Variants in RTCA observed in about 807,000 individuals in gnomAD.
The protein encoded by RTCA is RNA 3'-terminal phosphate cyclase.
A neutral mutation model predicts 46.1 loss-of-function variants in RTCA; 37 were observed. That is an observed-to-expected ratio of 0.80 (90% CI 0.62 to 1.06). RTCA has a LOEUF of 1.06. Among genes scored for constraint, RTCA ranks in the 50% least tolerant of loss-of-function variants. RTCA has a pLI of 0.00. For missense variants in RTCA, 435 were observed against 455.5 expected (o/e 0.95, Z 0.41); for synonymous variants, 164 against 158.3 (o/e 1.04, Z -0.27).
intron 2 of RTCA, chr1:100,266,832 G>GA (rs996046446): frequency 2.0e-5 from 11 of 557,976 alleles, no homozygotes; most frequent in Non-Finnish European, 2.9e-5. Flanking sequence ...AAATGGTCTC[G>GA]AGTTTTCTCT....
Position 100,270,603 on chromosome 1 carries a change from G to T in RTCA, c.337G>T (p.Ala113Ser), listed in dbSNP as rs777938019. The change falls in exon 4 of 11, where the codon GCT becomes TCT. Residue 113 changes from alanine (A) to serine (S), a missense_variant. Coordinates refer to ENST00000370128, the MANE Select transcript of RTCA (RefSeq NM_003729.4). ...MQVSMPCVLF[A>S]ASPSELHLKG... is the part of the protein sequence containing the mutation. Reference sequence around the variant, plus strand: ...GGTCTCAATGCCGTGTGTTCTCTTTGCTGCTTCTCCATCAGAACTTCATTT... The same window carrying T: ...GGTCTCAATGCCGTGTGTTCTCTTTTCTGCTTCTCCATCAGAACTTCATTT... 2 of 1,614,122 alleles carry T rather than the reference G, an allele frequency of 1.2e-6. No individual in the cohort carries two copies. The highest frequency in any genetic ancestry group is 2.2e-5 in the South Asian group (2 of 91,084).
intron 8 of RTCA, among the ~76,000 whole-genome samples, chr1:100,282,227 C>T (rs925197650): frequency 1.3e-5 from 2 of 152,104 alleles, no homozygotes; most frequent in Non-Finnish European, 2.9e-5. Context: ...TAATGTAGAA[C>T]CATTCATGCC....
chr1:100,288,670 T>G (rs1667163457), intron 10 of RTCA, among the ~76,000 whole-genome samples: 1 of 152,080 alleles, frequency 6.6e-6, no homozygotes, highest in South Asian at 2.1e-4. Flanking sequence ...GGATTACAGG[T>G]GTAAGCCAGC....
At chr1:100,279,611 A>C (rs2086367584) in intron 8 of RTCA, among the ~76,000 whole-genome samples, 1 of 151,104 alleles carries the variant, frequency 6.6e-6, no homozygotes, top group South Asian at 2.1e-4. Flanking sequence ...TCCATCTCTT[A>C]AAATTTTTTT....
chr1:100,275,568 T>G (rs751903133), intron 6 of RTCA, 31 bp from the exon 7 acceptor site: 5 of 1,550,558 alleles, frequency 3.2e-6, no homozygotes, highest in Non-Finnish European at 4.4e-6. Flanking sequence ...CAGTAATTGT[T>G]TTATTCTATT....
Position 100,277,303 on chromosome 1 carries a change from G to A in RTCA, c.786G>A (p.Ser262=), listed in dbSNP as rs370576495. 513 of 1,611,158 alleles carry A rather than the reference G, an allele frequency of 3.2e-4. No homozygotes were observed. The highest frequency in any genetic ancestry group is 4.2e-4 in the Non-Finnish European group (499 of 1,179,010). ...CTGGCTGTTTGTTTGCTGGATCATC[G>A]CTTGGTAAACGAGGTAAGATAAATG... is the stretch of plus-strand genomic sequence containing the variant. ...TSTGCLFAGS[S]LGKRGVNADK... is the part of the protein sequence containing the mutation. The change falls in exon 8 of 11, where the codon TCG becomes TCA. Residue 262 remains serine (S), a synonymous_variant. Transcript: ENST00000370128.
At chr1:100,284,763 G>A (rs1215475419) in intron 8 of RTCA, among the ~76,000 whole-genome samples, 3 of 152,148 alleles carry the variant, frequency 2.0e-5, no homozygotes, top group African/African-American at 7.2e-5. Flanking sequence ...GGATTTGGGA[G>A]GGGAATTTGT....
chr1:100,287,034 C>A, intron 9 of RTCA, 65 bp from the exon 10 acceptor site: 2 of 1,062,804 alleles, frequency 1.9e-6, no homozygotes, highest in South Asian at 1.7e-5. Context: ...TTATGGGCAG[C>A]AGTGGAATTA....
chr1:100,267,400 T>A, intron 2 of RTCA: 1 of 1,241,994 alleles, frequency 8.1e-7, no homozygotes, highest in East Asian at 2.9e-5. Flanking sequence ...GGGAATCCAA[T>A]TCATTAGGCT....
At chr1:100,281,901 A>G (rs1015195094) in intron 8 of RTCA, among the ~76,000 whole-genome samples, 1 of 151,982 alleles carries the variant, frequency 6.6e-6, no homozygotes, top group Non-Finnish European at 1.5e-5. Flanking sequence ...TTTTTGGTAG[A>G]GACGGGGTTT....
chr1:100,269,479 G>A (rs750070289), intron 3 of RTCA, among the ~76,000 whole-genome samples: 8 of 150,358 alleles, frequency 5.3e-5, no homozygotes, highest in Admixed American at 2.7e-4. Flanking sequence ...GACTACAGGC[G>A]TGCACCACAA....
chr1:100,266,797 T>G (rs767471524), intron 2 of RTCA, 173 bp downstream of exon 2: 2 of 596,240 alleles, frequency 3.4e-6, no homozygotes, highest in Non-Finnish European at 6.0e-6. Context: ...TGTAAAGTCT[T>G]GAAAGCCTGG....
chr1:100,279,336 G>C (rs1180440938), intron 8 of RTCA, among the ~76,000 whole-genome samples: 1 of 152,184 alleles, frequency 6.6e-6, no homozygotes, highest in Non-Finnish European at 1.5e-5. Context: ...TAGGAATACA[G>C]GGGAAGCAAA....
intron 3 of RTCA, among the ~76,000 whole-genome samples, chr1:100,269,214 A>G (rs1303129084): frequency 6.6e-6 from 1 of 151,910 alleles, no homozygotes; most frequent in Non-Finnish European, 1.5e-5. Flanking sequence ...AGAAAAGATA[A>G]TGACCAAGTG....
In RTCA at chr1:100,287,206, G is replaced by C. The variant is rs1222149078; in HGVS notation, c.999+3G>C. ...ATTTTGCTGAACAAATAGCAAAGGT[G>C]AGTATTCTATCAGAAAGGGAAATTG... On this transcript the variant is annotated splice_donor_region_variant and intron_variant, in intron 10 of 10. Transcript: ENST00000370128. 6.5e-7 allele frequency: 1 copy of C among 1,542,378 alleles called. No individual in the cohort carries two copies. Among genetic ancestry groups the C allele is most frequent in the Admixed American group, 2.2e-5 (1 of 45,676 alleles).
intron 8 of RTCA, among the ~76,000 whole-genome samples, chr1:100,284,920 G>A (rs986516531): frequency 4.6e-5 from 7 of 152,146 alleles, no homozygotes; most frequent in Non-Finnish European, 2.9e-5. Context: ...TTTTGAAATT[G>A]AGGCATAGCA....
At chr1:100,272,006 C>G (rs1438556380) in intron 4 of RTCA, among the ~76,000 whole-genome samples, 4 of 152,138 alleles carry the variant, frequency 2.6e-5, no homozygotes, top group Non-Finnish European at 5.9e-5. Context: ...TTGCTTGTAT[C>G]TGCAATGAAA....
intron 4 of RTCA, among the ~76,000 whole-genome samples, chr1:100,272,980 A>G (rs1267225715): frequency 1.3e-5 from 2 of 152,208 alleles, no homozygotes; most frequent in South Asian, 4.1e-4. Context: ...GCTTATGTTT[A>G]TAATGTTAAA....
intron 3 of RTCA, among the ~76,000 whole-genome samples, chr1:100,270,170 C>CTAGTTTCAA (rs1163105122): frequency 6.6e-6 from 1 of 151,794 alleles, no homozygotes; most frequent in African/African-American, 2.4e-5. Context: ...TCATAAACTG[C>CTAGTTTCAA]TAGTTTCAAG....
Sources: allele counts gnomAD v4.1 joint callset (sites outside exome capture counted in the v4.1 genomes callset), GRCh38; gene constraint gnomAD v4.1.1; transcripts MANE v1.5; gene names NCBI Gene and HGNC (gene_info 2026-07-23, HGNC 2026-07-21).